Variants in DNAH7 observed in about 807,000 individuals in gnomAD.
The protein encoded by DNAH7 is axonemal beta dynein heavy chain 7.
In DNAH7, 397 loss-of-function variants were observed where a neutral mutation model predicts 444.6. That is an observed-to-expected ratio of 0.89 (90% CI 0.82 to 0.97). The LOEUF (loss-of-function observed/expected upper bound fraction) is 0.97, where lower values mean the gene tolerates loss of function less well. Ranked by LOEUF, DNAH7 falls within the 50% of genes least tolerant of loss-of-function variation. The pLI, the probability that DNAH7 is intolerant of heterozygous loss-of-function variation, is 0.00. For missense variants in DNAH7, 4,902 were observed against 4,800.8 expected (o/e 1.02, Z -0.62); for synonymous variants, 1,636 against 1,624.4 (o/e 1.01, Z -0.17).
chr2:195,956,388 C>T (rs1002636507), intron 19 of DNAH7, among the ~76,000 whole-genome samples: 4 of 152,336 alleles, frequency 2.6e-5, no homozygotes, highest in Admixed American at 1.3e-4. Flanking sequence ...TGGTGGCTCA[C>T]GCCTGCAATC....
At chr2:195,740,601 GTGTGTGTGTGTGTGTATATA>G (rs1230597231) in intron 64 of DNAH7, among the ~76,000 whole-genome samples, 145 bp downstream of exon 64, 1,096 of 46,746 alleles carry the variant, frequency 0.023, 20 homozygotes, top group African/African-American at 0.088. Flanking sequence ...GTGTGTGTGT[GTGTGTGTGTGTGTGTATATA>G]TATATATATA....
intron 31 of DNAH7, among the ~76,000 whole-genome samples, chr2:195,890,161 A>T (rs1211007808): frequency 2.6e-5 from 4 of 152,210 alleles, no homozygotes; most frequent in Non-Finnish European, 5.9e-5. Context: ...AATCTATAAG[A>T]TAACGGGTCT....
intron 8 of DNAH7, among the ~76,000 whole-genome samples, chr2:196,021,670 A>T (rs1695391764): frequency 6.6e-6 from 1 of 151,642 alleles, no homozygotes; most frequent in Non-Finnish European, 1.5e-5. Flanking sequence ...AAAAAAAATT[A>T]AATTAGCTGG....
At chr2:195,791,320 A>C (rs1194208787) in intron 57 of DNAH7, among the ~76,000 whole-genome samples, 1 of 150,842 alleles carries the variant, frequency 6.6e-6, no homozygotes, top group Non-Finnish European at 1.5e-5. Flanking sequence ...ACAAAAAATT[A>C]GCCGGGCGAG....
intron 63 of DNAH7, among the ~76,000 whole-genome samples, chr2:195,751,495 G>T (rs1302419124): frequency 6.6e-6 from 1 of 152,170 alleles, no homozygotes; most frequent in Non-Finnish European, 1.5e-5. Flanking sequence ...CACTCTTCTG[G>T]TATCTGTACT....
At chr2:196,064,661 CATG>C (rs1463078529) in intron 1 of DNAH7, among the ~76,000 whole-genome samples, 1 of 152,138 alleles carries the variant, frequency 6.6e-6, no homozygotes, top group African/African-American at 2.4e-5. Context: ...ATTGTTACTA[CATG>C]ATTTTAAATT....
Position 195,907,019 on chromosome 2 carries a change from A to G in DNAH7, c.4105-10T>C, listed in dbSNP as rs377195039. On this transcript the variant is annotated splice_polypyrimidine_tract_variant and intron_variant, in intron 25 of 64. Coordinates refer to ENST00000312428, the MANE Select transcript of DNAH7 (RefSeq NM_018897.3). Reference sequence around the variant, plus strand: ...CACAAGATAACAGTCCCTATGAGAAAAGAGTAATGAAAATTTTTGACTTTA... The same window carrying G: ...CACAAGATAACAGTCCCTATGAGAAGAGAGTAATGAAAATTTTTGACTTTA... 2 of 1,599,132 alleles carry G rather than the reference A, an allele frequency of 1.3e-6. No individual in the cohort carries two copies. Among genetic ancestry groups the G allele is most frequent in the Non-Finnish European group, 1.7e-6 (2 of 1,173,706 alleles).
chr2:195,980,061 CAAAAAAAAAAA>C (rs59664135), intron 15 of DNAH7, among the ~76,000 whole-genome samples: 2 of 75,062 alleles, frequency 2.7e-5, no homozygotes, highest in African/African-American at 8.7e-5. Flanking sequence ...CAAACTAATA[CAAAAAAAAAAA>C]AAAAAAAAAA....
At chr2:195,753,487 A>G (rs1693909003) in intron 63 of DNAH7, among the ~76,000 whole-genome samples, 1 of 152,210 alleles carries the variant, frequency 6.6e-6, no homozygotes. Context: ...TTGAGGGACA[A>G]GATCCTAAAT....
chr2:195,974,014 T>C (rs1574924722), intron 15 of DNAH7, among the ~76,000 whole-genome samples: 1 of 151,964 alleles, frequency 6.6e-6, no homozygotes, highest in Non-Finnish European at 1.5e-5. Context: ...GAGGCAGTGG[T>C]TGCACTGAGC....
chr2:195,744,000 AGACAGTGGGTGCAG>A (rs539896510), intron 63 of DNAH7, among the ~76,000 whole-genome samples: 8 of 152,322 alleles, frequency 5.3e-5, no homozygotes, highest in African/African-American at 1.9e-4. Context: ...AGGGAGTGCC[AGACAGTGGGTGCAG>A]GACAGTGGGT....
At chr2:195,972,795 G>C (rs1258276394) in intron 15 of DNAH7, among the ~76,000 whole-genome samples, 2 of 152,218 alleles carry the variant, frequency 1.3e-5, no homozygotes, top group African/African-American at 4.8e-5. Context: ...ATGGGCACCT[G>C]CTATGGGCCT....
At chr2:195,765,313 T>C (rs915978788) in intron 61 of DNAH7, among the ~76,000 whole-genome samples, 3 of 152,104 alleles carry the variant, frequency 2.0e-5, no homozygotes, top group African/African-American at 7.2e-5. Flanking sequence ...GGACCTTGGA[T>C]TGGGCAAAGA....
chr2:195,879,954 CTTCAG>C (rs1235180506), intron 36 of DNAH7, among the ~76,000 whole-genome samples: 4 of 152,104 alleles, frequency 2.6e-5, no homozygotes, highest in Non-Finnish European at 5.9e-5. Context: ...CAGCCAGTGT[CTTCAG>C]TTAATTTTTT....
Position 196,047,408 on chromosome 2 carries a change from GC to G in DNAH7, c.341del (p.Gly114AlafsTer26). ...YVGPSTSKSK[G>X]KSPHKERENF... ...TTTCTCGTTCTTTATGTGGAGATTT[GC>G]CCTTTGATTTGGAAGTAGATGGTCC... On this transcript the variant is annotated frameshift_variant, in exon 5 of 65. Coordinates refer to ENST00000312428, the MANE Select transcript of DNAH7 (RefSeq NM_018897.3). LOFTEE classifies it high-confidence loss of function. The G allele has an allele frequency of 6.2e-7, 1 of 1,601,968 alleles. No individual in the cohort carries two copies. Among genetic ancestry groups the G allele is most frequent in the Non-Finnish European group, 8.5e-7 (1 of 1,173,364 alleles).
rs1559340133 is a variant in DNAH7 at position 196,019,210 on chromosome 2, TG to T, written c.828del (p.Thr277GlnfsTer6). 6.5e-6 allele frequency: 10 copies of T among 1,527,318 alleles called. No individual in the cohort carries two copies. Among genetic ancestry groups the T allele is most frequent in the Non-Finnish European group, 8.0e-6 (9 of 1,126,366 alleles). 94.6% of individuals were successfully genotyped at this position (1,527,318 alleles called of 1,614,324 possible). A position where few individuals can be genotyped will look rare whatever the true frequency, so the allele number is the denominator to read the frequency against. On this transcript the variant is annotated frameshift_variant, in exon 9 of 65. Transcript: ENST00000312428. LOFTEE classifies it high-confidence loss of function. Reference protein sequence around the residue: ...YIRDHLNAMNPTMLAVLDLWH... With the variant: ...YIRDHLNAMNXTMLAVLDLWH... ...CACAAATCTAGTACAGCCAGCATTG[TG>T]GGGTTCATTGCATTCAAGTGATCCC...
intron 58 of DNAH7, among the ~76,000 whole-genome samples, chr2:195,785,147 G>A (rs79323925): frequency 3.3e-5 from 5 of 152,090 alleles, no homozygotes; most frequent in South Asian, 2.1e-4. Context: ...TCCTGACCTC[G>A]TGATCTGCCT....
At chr2:195,744,246 G>A (rs984545947) in intron 63 of DNAH7, among the ~76,000 whole-genome samples, 1 of 152,236 alleles carries the variant, frequency 6.6e-6, no homozygotes, top group Admixed American at 6.5e-5. Context: ...TACGCCCACG[G>A]AGTCTCGCTG....
chr2:195,787,719 G>A (rs1345127074), intron 57 of DNAH7, among the ~76,000 whole-genome samples: 1 of 152,138 alleles, frequency 6.6e-6, no homozygotes, highest in Non-Finnish European at 1.5e-5. Flanking sequence ...CTAAGTTCGA[G>A]TTAGTGAGAA....
Sources: allele counts gnomAD v4.1 joint callset (sites outside exome capture counted in the v4.1 genomes callset), GRCh38; gene constraint gnomAD v4.1.1; transcripts MANE v1.5; gene names NCBI Gene and HGNC (gene_info 2026-07-23, HGNC 2026-07-21).